Variants in LIPJ observed in about 807,000 individuals in gnomAD.
The protein encoded by LIPJ is lipase family member J, also known as lipase member J.
In LIPJ, 33 loss-of-function variants were observed where a neutral mutation model predicts 39.8. The observed-to-expected ratio is 0.83, with a 90% confidence interval of 0.63 to 1.11. The LOEUF (loss-of-function observed/expected upper bound fraction) is 1.11. LIPJ is among the 50% of genes least tolerant of loss of function. LIPJ has a pLI of 0.00. For synonymous variants in LIPJ, 128 were observed against 139.2 expected (o/e 0.92, Z 0.57); for missense variants, 422 against 427.9 (o/e 0.99, Z 0.12).
intron 9 of LIPJ, among the ~76,000 whole-genome samples, chr10:88,605,306 C>T (rs752043666): frequency 1.6e-4 from 24 of 152,102 alleles, no homozygotes; most frequent in Admixed American, 1.3e-4. Context: ...AGACACTCAG[C>T]GTTGACCTCT....
At chr10:88,620,458 C>G in the LIPJ span, among the ~76,000 whole-genome samples, 1 of 151,972 alleles carries the variant, frequency 6.6e-6, no homozygotes, top group Non-Finnish European at 1.5e-5. Flanking sequence ...TTTTCTGTGG[C>G]TCAAAATTAA....
intron 8 of LIPJ, among the ~76,000 whole-genome samples, chr10:88,599,054 C>G (rs1276156268): frequency 1.4e-5 from 2 of 145,726 alleles, no homozygotes; most frequent in Non-Finnish European, 3.0e-5. Context: ...TGATAAATAC[C>G]TGAGAAGAAT....
At chr10:88,582,971 A>C, upstream of LIPJ, 1 of 1,328,406 alleles carries the variant, frequency 7.5e-7, no homozygotes. Context: ...AGCTGAGGGT[A>C]TAGCGTTTTC....
At chr10:88,615,824 G>GT in the LIPJ span, among the ~76,000 whole-genome samples, 1 of 152,098 alleles carries the variant, frequency 6.6e-6, no homozygotes, top group Non-Finnish European at 1.5e-5. Context: ...TATCTACTAT[G>GT]TGACTTAGCA....
At chr10:88,608,829 T>C (rs575182200), downstream of LIPJ, among the ~76,000 whole-genome samples, 1 of 152,266 alleles carries the variant, frequency 6.6e-6, no homozygotes, top group South Asian at 2.1e-4. Context: ...TCCAACTCTA[T>C]AGAGCAAGAA....
upstream of LIPJ, chr10:88,583,312 G>C: frequency 6.8e-7 from 1 of 1,464,858 alleles, no homozygotes; most frequent in Non-Finnish European, 9.0e-7. Flanking sequence ...GGGCCGACCT[G>C]GGCCCTGAGC....
chr10:88,606,918 C>A (rs374638163), exon 11 of LIPJ: 1 of 1,474,104 alleles, frequency 6.8e-7, no homozygotes, highest in Admixed American at 2.3e-5. Context: ...AGAACCATGG[C>A]GCTGTGTGTT....
the LIPJ span, among the ~76,000 whole-genome samples, chr10:88,621,863 G>A: frequency 0.018 from 2,691 of 152,264 alleles, 45 homozygotes; most frequent in Middle Eastern, 0.027. Context: ...CTATATTTCA[G>A]CCTTGATTCT....
downstream of LIPJ, chr10:88,607,045 G>A (rs748425711): frequency 3.8e-5 from 33 of 878,630 alleles, no homozygotes; most frequent in African/African-American, 5.1e-5. Flanking sequence ...ATTGACCTTA[G>A]GCCCTCCAGT....
chr10:88,613,820 A>G, the LIPJ span, among the ~76,000 whole-genome samples: 4 of 63,232 alleles, frequency 6.3e-5, no homozygotes, highest in African/African-American at 1.8e-4. Flanking sequence ...GTGTGTGTAT[A>G]TATATATATG....
At position 88,593,933 on chromosome 10, in the gene LIPJ, A is replaced by AT. The variant is rs1441482226; in HGVS notation, c.131-6dup. ...ACAAAATTTATAAAGAACTTTCTACATTTTTTTCTCAGCTCAGAGGGTTGT... is the reference window on the plus strand; with the variant it reads ...ACAAAATTTATAAAGAACTTTCTACATTTTTTTTCTCAGCTCAGAGGGTTGT... On this transcript the variant is annotated splice_polypyrimidine_tract_variant and intron_variant, in intron 4 of 10. Coordinates refer to ENST00000371939, the Ensembl canonical transcript of LIPJ. 9 of 1,589,898 alleles carry AT rather than the reference A, an allele frequency of 5.7e-6. No individual in the cohort carries two copies. The highest frequency in any genetic ancestry group is 7.7e-6 in the Non-Finnish European group (9 of 1,168,584).
chr10:88,596,329 AT>A lies in LIPJ; in HGVS notation c.495del (p.Phe165LeufsTer3). The A allele has an allele frequency of 6.5e-7, 1 of 1,549,916 alleles. No homozygotes were observed. Among genetic ancestry groups the A allele is most frequent in the Non-Finnish European group, 8.7e-7 (1 of 1,147,522 alleles). On this transcript the variant is annotated frameshift_variant, in exon 7 of 11. Transcript: ENST00000371939. LOFTEE classifies it high-confidence loss of function. ...CAAAGATAGCTGAAAGAATCAAAAT[AT>A]TTTTTGCTTTAGCACCAGTTTTTTC...
chr10:88,617,244 C>T, the LIPJ span, among the ~76,000 whole-genome samples: 5 of 152,000 alleles, frequency 3.3e-5, no homozygotes, highest in South Asian at 2.1e-4. Context: ...GAATAACTTA[C>T]GGCAGTCGCT....
chr10:88,587,245 CTTTTT>C lies in LIPJ; in HGVS notation c.-230-20_-230-16del, dbSNP rs1383368233. ...AATATTGCCTTGAGCTAAATGTTCT[CTTTTT>C]ATTTTTTCTTTTTAGTATAATATGC... On this transcript the variant is annotated splice_polypyrimidine_tract_variant and intron_variant, in intron 1 of 10. Transcript: ENST00000371939. 3 of 151,538 alleles carry C rather than the reference CTTTTT, an allele frequency of 2.0e-5. No homozygotes were observed. Among genetic ancestry groups the C allele is most frequent in the African/African-American group, 7.3e-5 (3 of 41,296 alleles). 9.4% of individuals were successfully genotyped at this position (151,538 alleles called of 1,614,324 possible).
At chr10:88,601,826 G>T (rs757985699) in intron 8 of LIPJ, among the ~76,000 whole-genome samples, 1 of 152,024 alleles carries the variant, frequency 6.6e-6, no homozygotes, top group Non-Finnish European at 1.5e-5. Context: ...AGGGTTAACT[G>T]ATTTTGAGAA....
the LIPJ span, among the ~76,000 whole-genome samples, chr10:88,621,237 C>T: frequency 1.3e-5 from 2 of 152,042 alleles, no homozygotes; most frequent in Non-Finnish European, 2.9e-5. Context: ...TTATAATTGC[C>T]AAAACTAGGG....
chr10:88,585,897 A>G (rs1850896566), upstream of LIPJ, among the ~76,000 whole-genome samples: 1 of 152,204 alleles, frequency 6.6e-6, no homozygotes, highest in South Asian at 2.1e-4. Context: ...TGGCATAAAA[A>G]TGTTCAATAA....
At chr10:88,613,800 A>ATATATATATATATATATATATATGTG in the LIPJ span, among the ~76,000 whole-genome samples, 1 of 74,156 alleles carries the variant, frequency 1.3e-5, no homozygotes, top group Non-Finnish European at 2.6e-5. Flanking sequence ...ATATATATAT[A>ATATATATATATATATATATATATGTG]TGTGTGTGTG....
chr10:88,594,187 C>T (rs758507917), intron 5 of LIPJ, 43 bp downstream of exon 5: 1 of 1,455,084 alleles, frequency 6.9e-7, no homozygotes, highest in South Asian at 1.3e-5. Flanking sequence ...TAAGTGTATA[C>T]AAATTTTTCA....
Sources: allele counts gnomAD v4.1 joint callset (sites outside exome capture counted in the v4.1 genomes callset), GRCh38; gene constraint gnomAD v4.1.1; transcripts MANE v1.5; gene names NCBI Gene and HGNC (gene_info 2026-07-23, HGNC 2026-07-21).